The following GRIN2B variants were observed in gnomAD, a reference collection of about 807,000 sequenced individuals.
The protein encoded by GRIN2B is glutamate receptor ionotropic, NMDA 2B.
In GRIN2B, 5 loss-of-function variants were observed where a neutral mutation model predicts 114.5. That is an observed-to-expected ratio of 0.04 (90% confidence interval 0.02 to 0.09). The LOEUF is 0.09. GRIN2B is among the 10% of genes least tolerant of loss of function. The pLI is 1.00. For missense variants in GRIN2B, 1,108 were observed against 1,943.5 expected, an observed-to-expected ratio of 0.57 and a Z score of 8.08; for synonymous variants, 787 against 745.1, an observed-to-expected ratio of 1.06 and a Z score of -0.92.
chr12:13,665,479 T>C (rs1949965363), intron 5 of GRIN2B, among the ~76,000 whole-genome samples: 1 of 152,110 alleles, frequency 6.6e-6, no homozygotes, highest in Non-Finnish European at 1.5e-5. Context: ...CCCATTGACA[T>C]TGCTACATTT....
Position 13,542,674 on chromosome 12 carries a change from C to T in GRIN2B, c.*20109G>A, listed in dbSNP as rs1948293965. On this transcript the variant is annotated 3_prime_UTR_variant, in exon 14 of 14. Coordinates refer to ENST00000609686, the MANE Select transcript of GRIN2B (RefSeq NM_000834.5). ...CCAAGACCCCCAGTCCCTCTTATCA[C>T]TTGGACTTTCATCCCCAGATACCCA... 1 of 152,322 alleles carries T rather than the reference C, an allele frequency of 6.6e-6. No homozygotes were observed. The highest frequency in any genetic ancestry group is 6.5e-5 in the Admixed American group (1 of 15,286). 9.4% of individuals were successfully genotyped at this position (152,322 alleles called of 1,614,324 possible).
chr12:13,956,394 G>A (rs577842817), intron 2 of GRIN2B, among the ~76,000 whole-genome samples: 1 of 152,302 alleles, frequency 6.6e-6, no homozygotes, highest in South Asian at 2.1e-4. Flanking sequence ...ATGACAACTC[G>A]TGGCAATTTG....
Position 13,917,889 on chromosome 12 carries a change from AGTTTTT to A in GRIN2B, c.-18-51669_-18-51664del, listed in dbSNP as rs372026559. Among the ~76,000 whole-genome samples, 457 of 151,952 alleles carry A rather than the reference AGTTTTT, an allele frequency of 3.0e-3. 1 individual carries two copies. The highest frequency in any genetic ancestry group is 9.9e-3 in the African/African-American group (410 of 41,442). Reference sequence around the variant, plus strand: ...TAGAAAAATATCAGATTTTTGGTAGAGTTTTTGTTTTTGTTTTTGTTTTTAATCCTC... The same window carrying A: ...TAGAAAAATATCAGATTTTTGGTAGAGTTTTTGTTTTTGTTTTTAATCCTC... On this transcript the variant is annotated intron_variant, in intron 2 of 13. Coordinates refer to ENST00000609686, the MANE Select transcript of GRIN2B (RefSeq NM_000834.5).
chr12:13,609,766 C>G (rs1234792162), intron 9 of GRIN2B, among the ~76,000 whole-genome samples: 1 of 142,096 alleles, frequency 7.0e-6, no homozygotes, highest in African/African-American at 2.7e-5. Context: ...GAGCAAGACT[C>G]TGTCTCAAAA....
chr12:13,915,280 T>C (rs1866696088), intron 2 of GRIN2B, among the ~76,000 whole-genome samples: 1 of 152,118 alleles, frequency 6.6e-6, no homozygotes, highest in African/African-American at 2.4e-5. Flanking sequence ...CTGGCATACG[T>C]TAGTCACACT....
intron 2 of GRIN2B, among the ~76,000 whole-genome samples, chr12:13,900,035 C>T (rs1203008593): frequency 1.3e-5 from 2 of 152,182 alleles, no homozygotes; most frequent in African/African-American, 4.8e-5. Context: ...TTAGGATGAT[C>T]TTTCTCTTTC....
rs1430988949 is a variant in GRIN2B at position 13,952,856 on chromosome 12, A to G, written c.-19+27072T>C. ...ACATATAATTATGTACTAAATAAAC[A>G]TGCTGGTCATTGGCATTCCAGTTCT... On this transcript the variant is annotated intron_variant, in intron 2 of 13. Coordinates refer to ENST00000609686, the MANE Select transcript of GRIN2B (RefSeq NM_000834.5). Among the ~76,000 whole-genome samples the G allele has an allele frequency of 3.3e-5, 5 of 151,894 alleles. No homozygotes were observed. In the East Asian group the frequency reaches 9.7e-4, roughly 29 times the overall value.
At chr12:13,772,470 G>A (rs1272233893) in intron 3 of GRIN2B, among the ~76,000 whole-genome samples, 1 of 152,092 alleles carries the variant, frequency 6.6e-6, no homozygotes, top group Non-Finnish European at 1.5e-5. Context: ...CTGCTCAGTC[G>A]ACAAGCTCCA....
At chr12:13,887,805 G>C (rs987528364) in intron 2 of GRIN2B, among the ~76,000 whole-genome samples, 2 of 152,210 alleles carry the variant, frequency 1.3e-5, no homozygotes, top group Non-Finnish European at 1.5e-5. Flanking sequence ...GTAGCTCTTA[G>C]GCATTTACTT....
chr12:13,941,317 C>G (rs1372555369), intron 2 of GRIN2B, among the ~76,000 whole-genome samples: 1 of 152,176 alleles, frequency 6.6e-6, no homozygotes, highest in Non-Finnish European at 1.5e-5. Flanking sequence ...CACAGCTCCC[C>G]ACAAACCTTG....
At chr12:13,789,621 T>A (rs1202855382) in intron 3 of GRIN2B, among the ~76,000 whole-genome samples, 3 of 152,212 alleles carry the variant, frequency 2.0e-5, no homozygotes, top group Non-Finnish European at 4.4e-5. Flanking sequence ...AAACTGGTGA[T>A]AATAATTATG....
chr12:13,745,933 T>C (rs1186851545), intron 4 of GRIN2B, among the ~76,000 whole-genome samples: 1 of 152,084 alleles, frequency 6.6e-6, no homozygotes, highest in African/African-American at 2.4e-5. Flanking sequence ...TATTTATCAA[T>C]TGCCTACTTA....
chr12:13,755,928 T>C (rs1208478848), intron 3 of GRIN2B, among the ~76,000 whole-genome samples: 1 of 152,232 alleles, frequency 6.6e-6, no homozygotes, highest in East Asian at 1.9e-4. Context: ...AGATGCTCTC[T>C]ATGAGTCAGG....
rs142724340 is a variant in GRIN2B at position 13,727,972 on chromosome 12, C to T, written c.1010+25345G>A. On this transcript the variant is annotated intron_variant, in intron 4 of 13. Transcript: ENST00000609686. ...CATCATTGACCCTTTCACTGTAGCT[C>T]TTACTGTAGCATTGTGAGTAAAGCT... 5.2e-4 allele frequency among the ~76,000 whole-genome samples: 79 copies of T among 152,336 alleles called. 1 individual carries two copies. Among genetic ancestry groups the T allele is most frequent in the African/African-American group, 1.4e-3 (59 of 41,580 alleles).
intron 3 of GRIN2B, among the ~76,000 whole-genome samples, chr12:13,801,568 C>T (rs1309400189): frequency 1.3e-5 from 2 of 152,010 alleles, no homozygotes; most frequent in Non-Finnish European, 1.5e-5. Flanking sequence ...CTTGGCCAAA[C>T]AAAAATGACC....
chr12:13,557,477 T>C lies in GRIN2B; in HGVS notation c.*5306A>G, dbSNP rs1193476858. The C allele has an allele frequency of 6.6e-6, 1 of 152,222 alleles. No homozygotes were observed. Among genetic ancestry groups the C allele is most frequent in the East Asian group, 1.9e-4 (1 of 5,206 alleles). 9.4% of individuals were successfully genotyped at this position (152,222 alleles called of 1,614,324 possible). ...AAATTTTATTGTATCACTAATTCAA[T>C]TTGATTTTTCTAGCTGCCTACTCAG... On this transcript the variant is annotated 3_prime_UTR_variant, in exon 14 of 14. Transcript: ENST00000609686.
At position 13,556,081 on chromosome 12, in the gene GRIN2B, A is replaced by T. The variant is rs1432454927; in HGVS notation, c.*6702T>A. 2 of 152,208 alleles carry T rather than the reference A, an allele frequency of 1.3e-5. No individual in the cohort carries two copies. Among genetic ancestry groups the T allele is most frequent in the Non-Finnish European group, 2.9e-5 (2 of 68,048 alleles). 9.4% of individuals were successfully genotyped at this position (152,208 alleles called of 1,614,324 possible). A position where few individuals can be genotyped will look rare whatever the true frequency, so the allele number is the denominator to read the frequency against. On this transcript the variant is annotated 3_prime_UTR_variant, in exon 14 of 14. Coordinates refer to ENST00000609686, the MANE Select transcript of GRIN2B (RefSeq NM_000834.5). ...CCTGATGGATTTATGGACCAGAACA[A>T]CAGAGGGGTCTTGAAGGAAGGAAGA...
intron 4 of GRIN2B, among the ~76,000 whole-genome samples, chr12:13,722,742 G>T (rs11612284): frequency 1.3e-5 from 2 of 152,006 alleles, no homozygotes; most frequent in African/African-American, 2.4e-5. Context: ...CTCGAGTGAC[G>T]ATTTGAGATC....
At chr12:13,828,952 T>C (rs1865101230) in intron 3 of GRIN2B, among the ~76,000 whole-genome samples, 1 of 152,232 alleles carries the variant, frequency 6.6e-6, no homozygotes, top group Non-Finnish European at 1.5e-5. Flanking sequence ...TTTCTGACCT[T>C]GATTTCTATC....
Sources: gnomAD v4.1 joint callset for allele counts (sites outside exome capture counted in the v4.1 genomes callset) on GRCh38, gnomAD v4.1.1 for gene constraint, MANE v1.5 for transcripts, NCBI Gene and HGNC (gene_info 2026-07-23, HGNC 2026-07-21) for gene names.